The following MAPRE2 variants were observed in gnomAD, a reference collection of about 807,000 sequenced individuals.
MAPRE2 encodes microtubule associated protein RP/EB family member 2, also known as microtubule-associated protein RP/EB family member 2.
A neutral mutation model predicts 43.2 loss-of-function variants in MAPRE2; 13 were observed. The observed-to-expected ratio is 0.30, with a 90% CI of 0.20 to 0.48. The LOEUF (loss-of-function observed/expected upper bound fraction) is 0.48. Ranked by LOEUF, MAPRE2 falls within the 20% of genes least tolerant of loss-of-function variation. MAPRE2 has a pLI of 0.99. For synonymous variants in MAPRE2, 135 were observed against 148.8 expected (o/e 0.91, Z 0.68); for missense variants, 161 against 400.2 (o/e 0.40, Z 5.10).
At chr18:35,111,305 A>G (rs562438300) in intron 4 of MAPRE2, among the ~76,000 whole-genome samples, 1 of 152,094 alleles carries the variant, frequency 6.6e-6, no homozygotes, top group East Asian at 1.9e-4. Flanking sequence ...GAGTTTGCCT[A>G]CCTTTTCATT....
rs73414675 is a variant in MAPRE2 at position 35,131,129 on chromosome 18, T to C, written c.751-903T>C. Among the ~76,000 whole-genome samples the C allele has an allele frequency of 2.5e-3, 379 of 152,334 alleles. 2 individuals carry two copies. Among genetic ancestry groups the C allele is most frequent in the African/African-American group, 8.8e-3 (365 of 41,570 alleles). The stretch of plus-strand genomic sequence containing the variant: ...TTTGGGTCTTACCCAGTTTTCCTCG[T>C]GTCACGAACCCTCAGTTTCTCCCTG... On this transcript the variant is annotated intron_variant, in intron 5 of 6. Transcript: ENST00000300249.
At chr18:35,101,799 T>G in intron 3 of MAPRE2, 147 bp from the exon 4 acceptor site, 1 of 610,926 alleles carries the variant, frequency 1.6e-6, no homozygotes. Context: ...TGATGGACAC[T>G]TAGGTTGCTT....
chr18:35,086,992 T>C (rs1907910942), intron 2 of MAPRE2, among the ~76,000 whole-genome samples: 1 of 152,208 alleles, frequency 6.6e-6, no homozygotes, highest in Admixed American at 6.5e-5. Context: ...TATTCTGATA[T>C]TACTCTATGG....
At chr18:35,050,562 G>A (rs562583354) in intron 1 of MAPRE2, among the ~76,000 whole-genome samples, 27 of 152,222 alleles carry the variant, frequency 1.8e-4, no homozygotes, top group South Asian at 1.2e-3. Context: ...TACACTAACT[G>A]CAAAATAATA....
chr18:35,023,086 A>T (rs1482518654), intron 2 of MAPRE2, among the ~76,000 whole-genome samples: 2 of 152,230 alleles, frequency 1.3e-5, no homozygotes, highest in Non-Finnish European at 2.9e-5. Flanking sequence ...CTAAAAACAG[A>T]AATAAGTTTA....
chr18:35,007,528 A>C (rs1245039832), intron 2 of MAPRE2, among the ~76,000 whole-genome samples: 1 of 152,096 alleles, frequency 6.6e-6, no homozygotes, highest in Non-Finnish European at 1.5e-5. Flanking sequence ...AAAACAGACA[A>C]AGATAACACA....
upstream of MAPRE2, among the ~76,000 whole-genome samples, chr18:35,037,828 T>C (rs1319709238): frequency 2.0e-5 from 3 of 152,326 alleles, no homozygotes; most frequent in African/African-American, 7.2e-5. Flanking sequence ...TCGATCTCTA[T>C]ATATCTTTCC....
At chr18:35,084,723 G>A (rs953825265) in intron 2 of MAPRE2, among the ~76,000 whole-genome samples, 6 of 152,136 alleles carry the variant, frequency 3.9e-5, no homozygotes, top group Non-Finnish European at 2.9e-5. Context: ...CCTCTACATG[G>A]GATCAGTTTG....
chr18:35,105,698 T>G (rs1908872203), intron 4 of MAPRE2, among the ~76,000 whole-genome samples: 1 of 152,010 alleles, frequency 6.6e-6, no homozygotes, highest in African/African-American at 2.4e-5. Flanking sequence ...GGATGTGGTT[T>G]CTTAGCACAT....
At chr18:35,041,382 C>T (rs893529724), upstream of MAPRE2, 1 of 1,478,684 alleles carries the variant, frequency 6.8e-7, no homozygotes, top group African/African-American at 1.4e-5. Context: ...AGGGCGGGGC[C>T]GCAGGAGGGC....
intron 1 of MAPRE2, among the ~76,000 whole-genome samples, chr18:35,059,898 T>C (rs1906434022): frequency 6.6e-6 from 1 of 152,096 alleles, no homozygotes; most frequent in Non-Finnish European, 1.5e-5. Flanking sequence ...GACACCGAAG[T>C]ACCTGAGAAG....
At chr18:35,115,766 A>T (rs1398996826) in intron 4 of MAPRE2, among the ~76,000 whole-genome samples, 1 of 152,138 alleles carries the variant, frequency 6.6e-6, no homozygotes, top group African/African-American at 2.4e-5. Flanking sequence ...TTATCCACTC[A>T]TTGGTTGATG....
In MAPRE2 at chr18:35,041,448, C is replaced by T; in HGVS notation, c.-92C>T. The T allele has an allele frequency of 1.2e-6, 2 of 1,600,720 alleles. No individual in the cohort carries two copies. Among genetic ancestry groups the T allele is most frequent in the Non-Finnish European group, 8.5e-7 (1 of 1,173,568 alleles). On this transcript the variant is annotated 5_prime_UTR_variant, in exon 1 of 7. Coordinates refer to ENST00000300249, the MANE Select transcript of MAPRE2 (RefSeq NM_014268.4). ...TGAGCGAGCAGGCGGCAGGCACGGT[C>T]CGTGCGGAGCAGGCGAGCGAGCGGG...
intron 1 of MAPRE2, among the ~76,000 whole-genome samples, chr18:34,980,468 T>G (rs2097015635): frequency 6.6e-6 from 1 of 152,174 alleles, no homozygotes; most frequent in Non-Finnish European, 1.5e-5. Context: ...CCTCAGTGTC[T>G]GTAGCCCCCA....
At position 35,102,157 on chromosome 18, in the gene MAPRE2, C is replaced by G. The variant is rs774392045; in HGVS notation, c.608C>G (p.Ala203Gly). 6.3e-7 allele frequency: 1 copy of G among 1,585,532 alleles called. No individual in the cohort carries two copies. The highest frequency in any genetic ancestry group is 1.2e-5 in the South Asian group (1 of 85,480). Residue 203 changes from alanine (A) to glycine (G), a missense_variant and splice_region_variant, in exon 4 of 7, where the codon GCA (alanine) becomes GGA (glycine). Around this residue, in one of 2 missense-constraint regions of MAPRE2, gnomAD observed 96 missense variants for 153.3 expected, o/e 0.63. Coordinates refer to ENST00000300249, the MANE Select transcript of MAPRE2 (RefSeq NM_014268.4). The stretch of plus-strand genomic sequence containing the variant: ...TCTCACCATGCAAACTCCCCCACAG[C>G]AGGTATTGTCACAATGAGATTGCGG... ...KKSHHANSPT[A>G]GAAKSSPAAK...
intron 1 of MAPRE2, among the ~76,000 whole-genome samples, chr18:35,041,983 T>C (rs1320508858): frequency 6.6e-6 from 1 of 152,196 alleles, no homozygotes; most frequent in Non-Finnish European, 1.5e-5. Context: ...GCACTTCCTT[T>C]CCTCCTTCCC....
intron 2 of MAPRE2, among the ~76,000 whole-genome samples, chr18:35,033,780 A>G (rs1477753016): frequency 6.6e-6 from 1 of 150,592 alleles, no homozygotes; most frequent in East Asian, 2.0e-4. Flanking sequence ...CAAAGAGAAT[A>G]AAATACCTAG....
intron 2 of MAPRE2, among the ~76,000 whole-genome samples, chr18:35,007,492 TA>T (rs1390422695): frequency 6.6e-6 from 1 of 152,258 alleles, no homozygotes; most frequent in Non-Finnish European, 1.5e-5. Context: ...AGTCTCAGTC[TA>T]AACTGTTCAA....
rs375073684 is a variant in MAPRE2 at position 35,010,566 on chromosome 18, A to G, written c.-8+5013A>G. Among the ~76,000 whole-genome samples the G allele has an allele frequency of 1.1e-4, 16 of 152,330 alleles. 1 individual carries two copies. The highest frequency in any genetic ancestry group is 4.6e-4 in the Admixed American group (7 of 15,302). On this transcript the variant is annotated intron_variant, in intron 2 of 7. Coordinates refer to the MAPRE2 transcript ENST00000413393. ...TCCCTCCTAGAGCTACAGGTTCTTCATGGGATTCCTTTTGTTTATTCATCA... is the reference window on the plus strand; with the variant it reads ...TCCCTCCTAGAGCTACAGGTTCTTCGTGGGATTCCTTTTGTTTATTCATCA...
Sources: allele counts gnomAD v4.1 joint callset (sites outside exome capture counted in the v4.1 genomes callset), GRCh38; gene constraint gnomAD v4.1.1; regional missense constraint gnomAD v4.1.1; transcripts MANE v1.5; gene names NCBI Gene and HGNC (gene_info 2026-07-23, HGNC 2026-07-21).